The following SORCS1 variants were observed in gnomAD, a reference collection of about 807,000 sequenced individuals.
The protein encoded by SORCS1 is VPS10 domain-containing receptor SorCS1.
A neutral mutation model predicts 146.1 loss-of-function variants in SORCS1; 60 were observed. That is an observed-to-expected ratio of 0.41 (90% CI 0.33 to 0.51). The LOEUF (loss-of-function observed/expected upper bound fraction) is 0.51. SORCS1 is among the 20% of genes least tolerant of loss of function. The probability of loss-of-function intolerance (pLI) is 0.21; values close to 1 mark genes in which losing one functional copy is unlikely to be tolerated. For missense variants in SORCS1, 1,352 were observed against 1,487.6 expected, an observed-to-expected ratio of 0.91 and a Z score of 1.50; for synonymous variants, 637 against 584.0, an observed-to-expected ratio of 1.09 and a Z score of -1.31.
intron 1 of SORCS1, among the ~76,000 whole-genome samples, chr10:107,100,509 G>T (rs1174666996): frequency 7.5e-6 from 1 of 134,174 alleles, no homozygotes; most frequent in Admixed American, 7.8e-5. Context: ...GCAAGACTCC[G>T]CCTCAAAAAA....
chr10:106,651,767 T>TTCTAAAATATATAAGATAAATTTCA (rs1849882901), intron 18 of SORCS1, among the ~76,000 whole-genome samples: 1 of 152,248 alleles, frequency 6.6e-6, no homozygotes, highest in East Asian at 1.9e-4. Flanking sequence ...CCTGTGTATG[T>TTCTAAAATATATAAGATAAATTTCA]TCTAAAATAT....
rs766834176 is a variant in SORCS1 at position 106,611,940 on chromosome 10, C to G, written c.3004G>C (p.Gly1002Arg). ...ACCAGGGATTTTTTGATGACTCGAC[C>G]GATGTCCCTCCTCCACTCAGGGATG... ...PDIPEWRRDI[G>R]RVIKKSLVEA... The change falls in exon 22 of 26, where the codon GGT becomes CGT. Residue 1002 changes from glycine to arginine, a missense_variant. Transcript: ENST00000263054. 1 of 1,614,034 alleles carries G rather than the reference C, an allele frequency of 6.2e-7. No individual in the cohort carries two copies. The highest frequency in any genetic ancestry group is 8.5e-7 in the Non-Finnish European group (1 of 1,179,952).
chr10:107,026,871 C>G (rs887683073), intron 1 of SORCS1, among the ~76,000 whole-genome samples: 1 of 151,680 alleles, frequency 6.6e-6, no homozygotes, highest in Non-Finnish European at 1.5e-5. Flanking sequence ...AACCTGAAAC[C>G]TAGCCTACAT....
At chr10:106,946,548 C>T (rs909540573) in intron 2 of SORCS1, among the ~76,000 whole-genome samples, 4 of 152,232 alleles carry the variant, frequency 2.6e-5, no homozygotes, top group Non-Finnish European at 5.9e-5. Flanking sequence ...CGTGGCTTTG[C>T]TCTTCCATCA....
chr10:106,638,441 A>G (rs550773471), intron 18 of SORCS1, among the ~76,000 whole-genome samples: 34 of 152,316 alleles, frequency 2.2e-4, no homozygotes, highest in South Asian at 2.1e-3. Flanking sequence ...AGAAATACAT[A>G]AAATAATGAC....
intron 1 of SORCS1, among the ~76,000 whole-genome samples, chr10:106,998,912 T>G (rs375710193): frequency 1.3e-5 from 2 of 152,338 alleles, no homozygotes; most frequent in East Asian, 3.9e-4. Flanking sequence ...AATTAAGAAG[T>G]ATGTCCTTGT....
chr10:107,164,575 G>T lies in SORCS1; in HGVS notation c.-49C>A. ...AGAGGGGTCCCAGAACGAAGGTGGC[G>T]GCACGAGCTCTGCGCTGGCGGCTGT... On this transcript the variant is annotated 5_prime_UTR_variant, in exon 1 of 26. Coordinates refer to ENST00000263054, the MANE Select transcript of SORCS1 (RefSeq NM_052918.5). This position sits in a 1 kb window ranked among gnomAD's most constrained non-coding sequence, Gnocchi z 6.8. The T allele has an allele frequency of 7.7e-7, 1 of 1,307,092 alleles. No individual in the cohort carries two copies. The highest frequency in any genetic ancestry group is 9.7e-7 in the Non-Finnish European group (1 of 1,028,616). 81.0% of individuals were successfully genotyped at this position (1,307,092 alleles called of 1,614,324 possible).
intron 1 of SORCS1, among the ~76,000 whole-genome samples, chr10:107,116,384 T>C (rs1209468175): frequency 6.6e-6 from 1 of 152,108 alleles, no homozygotes; most frequent in African/African-American, 2.4e-5. Context: ...GCTGGATAAA[T>C]GGATAAAGAA....
rs890152235 is a variant in SORCS1 at position 106,960,889 on chromosome 10, C to T, written c.559-4309G>A. Among the ~76,000 whole-genome samples, 17 of 152,134 alleles carry T rather than the reference C, an allele frequency of 1.1e-4. No homozygotes were observed. The highest frequency in any genetic ancestry group is 2.1e-4 in the South Asian group (1 of 4,830). ...AGCACTGAGCCACATTTTCATAACC[C>T]GGGCTCCCAAACTATTAGTGACCCT... On this transcript the variant is annotated intron_variant, in intron 1 of 25. Coordinates refer to ENST00000263054, the MANE Select transcript of SORCS1 (RefSeq NM_052918.5). This position sits in a 1 kb window ranked among gnomAD's most constrained non-coding sequence, Gnocchi z 4.4.
At chr10:107,000,478 G>A (rs182525299) in intron 1 of SORCS1, among the ~76,000 whole-genome samples, 18 of 151,864 alleles carry the variant, frequency 1.2e-4, no homozygotes, top group African/African-American at 2.9e-4. Flanking sequence ...GTGGTGGCAC[G>A]CGCCTGTAGT....
At chr10:106,965,044 T>C (rs1955436661) in intron 1 of SORCS1, among the ~76,000 whole-genome samples, 1 of 151,750 alleles carries the variant, frequency 6.6e-6, no homozygotes, top group African/African-American at 2.4e-5. Flanking sequence ...GTCCAGAGTT[T>C]ACGCAGTTCC....
intron 1 of SORCS1, among the ~76,000 whole-genome samples, chr10:107,069,091 C>CA (rs143384990): frequency 1.3e-5 from 2 of 152,068 alleles, no homozygotes; most frequent in East Asian, 3.9e-4. Flanking sequence ...GTTCTCAATC[C>CA]AAAATGTGTG....
intron 9 of SORCS1, among the ~76,000 whole-genome samples, chr10:106,692,400 G>C (rs1853363686): frequency 1.3e-5 from 2 of 152,182 alleles, no homozygotes; most frequent in African/African-American, 2.4e-5. Context: ...GGTAGTAAGA[G>C]TTCTGCATTA....
At chr10:106,924,505 C>CTATT (rs1463299669) in intron 2 of SORCS1, among the ~76,000 whole-genome samples, 1 of 151,638 alleles carries the variant, frequency 6.6e-6, no homozygotes, top group African/African-American at 2.4e-5. Flanking sequence ...ATCTATCTAT[C>CTATT]TATCTATCTA....
chr10:106,652,616 T>C (rs1357847089), intron 17 of SORCS1, 63 bp from the exon 18 acceptor site: 1 of 1,575,692 alleles, frequency 6.3e-7, no homozygotes, highest in African/African-American at 1.4e-5. Flanking sequence ...TCCCACTTTT[T>C]AAAATTAGAC....
chr10:107,050,094 C>T (rs567763722), intron 1 of SORCS1, among the ~76,000 whole-genome samples: 1 of 152,234 alleles, frequency 6.6e-6, no homozygotes, highest in East Asian at 1.9e-4. Flanking sequence ...GTCTAATCAG[C>T]CAAAAACCTT....
In SORCS1 at chr10:106,937,251, C is replaced by T. The variant is rs1486585865; in HGVS notation, c.626+19262G>A. ...GTGACATGGTCTCAGCTCACTGCAC[C>T]CTCCGCCTCCCAGGTTCAAGCAATT... On this transcript the variant is annotated intron_variant, in intron 2 of 25. Transcript: ENST00000263054. Among the ~76,000 whole-genome samples the T allele has an allele frequency of 2.6e-5, 4 of 151,746 alleles. 1 individual carries two copies. The highest frequency in any genetic ancestry group is 5.9e-5 in the Non-Finnish European group (4 of 67,950).
At chr10:106,720,933 G>C (rs1045431178) in intron 6 of SORCS1, among the ~76,000 whole-genome samples, 5 of 151,998 alleles carry the variant, frequency 3.3e-5, no homozygotes, top group African/African-American at 1.2e-4. Context: ...TAGGAGGCCC[G>C]TGTTATCTTA....
chr10:107,160,979 T>C (rs1459421025), intron 1 of SORCS1, among the ~76,000 whole-genome samples: 2 of 152,156 alleles, frequency 1.3e-5, no homozygotes, highest in East Asian at 1.9e-4. Flanking sequence ...TGACAAATGA[T>C]TCATACCCAG....
Sources: gnomAD v4.1 joint callset for allele counts (sites outside exome capture counted in the v4.1 genomes callset) on GRCh38, gnomAD v4.1.1 for gene constraint, Gnocchi (gnomAD v3.1) non-coding constraint, MANE v1.5 for transcripts, NCBI Gene and HGNC (gene_info 2026-07-23, HGNC 2026-07-21) for gene names.